KCNF1: variants seen among roughly 807,000 people sequenced by gnomAD.
KCNF1 encodes the protein voltage-gated potassium channel regulatory subunit KCNF1.
In KCNF1, 9 loss-of-function variants were observed where a neutral mutation model predicts 28.6. That is an observed-to-expected ratio of 0.31 (90% confidence interval 0.19 to 0.55). The LOEUF is 0.55. KCNF1 is among the 20% of genes least tolerant of loss of function. The probability of loss-of-function intolerance (pLI) is 0.93; values close to 1 mark genes in which losing one functional copy is unlikely to be tolerated. For missense variants in KCNF1, 461 were observed against 684.2 expected, an observed-to-expected ratio of 0.67 and a Z score of 3.64; for synonymous variants, 328 against 299.6, an observed-to-expected ratio of 1.09 and a Z score of -0.98.
In KCNF1 at chr2:10,913,614, C is replaced by T. The variant is rs3732105; in HGVS notation, c.1188C>T (p.Ile396=). ...NAAISFLCGV[I]AIALPIHPII... ...CCATCAGCTTCTTGTGTGGTGTCAT[C>T]GCCATCGCCCTGCCCATCCACCCCA... The change falls in exon 1 of 1, where the codon ATC becomes ATT. Residue 396 remains isoleucine (I), a synonymous_variant. Transcript: ENST00000295082. The surrounding 1 kb of genome is among the most constrained non-coding windows in gnomAD (Gnocchi z 5.5). 998,505 of 1,612,932 alleles carry T rather than the reference C, an allele frequency of 0.62. 314,460 individuals carry two copies. Among genetic ancestry groups the T allele is most frequent in the Non-Finnish European group, 0.65 (772,439 of 1,179,888 alleles).
rs1572750960 is a variant in KCNF1, at chr2:10,912,072, G to C, written c.-355G>C. On this transcript the variant is annotated 5_prime_UTR_variant, in exon 1 of 1. Coordinates refer to ENST00000295082, the MANE Select transcript of KCNF1 (RefSeq NM_002236.5). This position sits in a 1 kb window ranked among gnomAD's most constrained non-coding sequence, Gnocchi z 7.9. ...TGCGCGCCCCGGGGCGGAGGACGGT[G>C]CCAGCCGCCCACGAGGAGACCCCGC... 1 of 151,910 alleles carries C rather than the reference G, an allele frequency of 6.6e-6. No homozygotes were observed. Among genetic ancestry groups the C allele is most frequent in the East Asian group, 1.9e-4 (1 of 5,134 alleles). 9.4% of individuals were successfully genotyped at this position (151,910 alleles called of 1,614,324 possible). A position where few individuals can be genotyped will look rare whatever the true frequency, so the allele number is the denominator to read the frequency against.
Position 10,912,242 on chromosome 2 carries a change from T to G in KCNF1, c.-185T>G. ...GCCCCGAGCCCCGCCGCCGGGTGCA[T>G]GCCTCCCCCGCGGCGCGCCCCCGCA... On this transcript the variant is annotated 5_prime_UTR_variant, in exon 1 of 1. It removes an upstream start codon present in the reference 5' UTR. Coordinates refer to ENST00000295082, the MANE Select transcript of KCNF1 (RefSeq NM_002236.5). The surrounding 1 kb of genome is among the most constrained non-coding windows in gnomAD (Gnocchi z 7.9). 4.5e-6 allele frequency: 1 copy of G among 220,160 alleles called. No homozygotes were observed. The highest frequency in any genetic ancestry group is 7.9e-6 in the Non-Finnish European group (1 of 126,398). The allele number at this position is 220,160 out of a possible 1,614,324, so 13.6% of individuals were successfully genotyped here.
In KCNF1 at chr2:10,912,987, C is replaced by G. The variant is rs141118481; in HGVS notation, c.561C>G (p.Leu187=). 6.5e-3 allele frequency: 10,369 copies of G among 1,602,858 alleles called. 47 individuals are homozygous for G. The highest frequency in any genetic ancestry group is 7.8e-3 in the Non-Finnish European group (9,200 of 1,179,836). The change falls in exon 1 of 1, where the codon CTC becomes CTG. Residue 187 remains leucine (L), a synonymous_variant. Transcript: ENST00000295082. The surrounding 1 kb of genome is among the most constrained non-coding windows in gnomAD (Gnocchi z 7.9). ...GCCCGGCGCGGGTGGTGGCCGTGCTCTCCTTCCTGCTCATCCTCGTCTCGT... is the reference window on the plus strand; with the variant it reads ...GCCCGGCGCGGGTGGTGGCCGTGCTGTCCTTCCTGCTCATCCTCGTCTCGT... ...SSCPARVVAV[L]SFLLILVSSV... is the part of the protein sequence containing the mutation.
In KCNF1 at chr2:10,913,746, C is replaced by A; in HGVS notation, c.1320C>A (p.Gly440=). The A allele has an allele frequency of 6.2e-7, 1 of 1,612,906 alleles. No homozygotes were observed. The highest frequency in any genetic ancestry group is 8.5e-7 in the Non-Finnish European group (1 of 1,179,572). Reference sequence around the variant, plus strand: ...TCAACTCCAGCAGCGGGGGCGAGGGCAAGACCGGGGGCTCCCGCAGTGACC... The same window carrying A: ...TCAACTCCAGCAGCGGGGGCGAGGGAAAGACCGGGGGCTCCCGCAGTGACC... ...MELNSSSGGE[G]KTGGSRSDLD... is the part of the protein sequence containing the mutation. Residue 440 remains glycine, a synonymous_variant, in exon 1 of 1, where the codon GGC becomes GGA. Coordinates refer to ENST00000295082, the MANE Select transcript of KCNF1 (RefSeq NM_002236.5). The surrounding 1 kb of genome is among the most constrained non-coding windows in gnomAD (Gnocchi z 5.5).
At position 10,913,086 on chromosome 2, in the gene KCNF1, G is replaced by A. The variant is rs1204493071; in HGVS notation, c.660G>A (p.Pro220=). The change falls in exon 1 of 1, where the codon CCG becomes CCA. Residue 220 remains proline (P), a synonymous_variant. Transcript: ENST00000295082. This position sits in a 1 kb window ranked among gnomAD's most constrained non-coding sequence, Gnocchi z 5.5. ...CCGAGGGCAACCGCGTGGAGCACCC[G>A]ACGCTGGAGAACGTGGAGACGGCGT... ...LDAEGNRVEH[P]TLENVETACI... 6.2e-7 allele frequency: 1 copy of A among 1,608,444 alleles called. No homozygotes were observed. Among genetic ancestry groups the A allele is most frequent in the African/African-American group, 1.3e-5 (1 of 75,080 alleles).
At position 10,912,822 on chromosome 2, in the gene KCNF1, C is replaced by A. The variant is rs1295186764; in HGVS notation, c.396C>A (p.Ser132Arg). Residue 132 changes from serine to arginine, a missense_variant, in exon 1 of 1, where the codon AGC becomes AGA. By Grantham distance (110) the Ser-to-Arg change is moderately radical. Around this residue, in one of 4 missense-constraint regions of KCNF1, gnomAD observed 193 missense variants for 280.6 expected, o/e 0.69. Coordinates refer to ENST00000295082, the MANE Select transcript of KCNF1 (RefSeq NM_002236.5). This position sits in a 1 kb window ranked among gnomAD's most constrained non-coding sequence, Gnocchi z 7.9. ...FLDDCCKSHL[S>R]EKREELEEIA... ...ACGACTGTTGCAAGAGCCACCTGAG[C>A]GAGAAGCGCGAGGAGCTGGAGGAGA... 1 of 1,613,910 alleles carries A rather than the reference C, an allele frequency of 6.2e-7. No homozygotes were observed. Among genetic ancestry groups the A allele is most frequent in the South Asian group, 1.1e-5 (1 of 91,088 alleles).
In KCNF1 at chr2:10,912,009, G is replaced by C. The variant is rs1426232669; in HGVS notation, c.-418G>C. The C allele has an allele frequency of 6.6e-6, 1 of 152,146 alleles. No individual in the cohort carries two copies. The highest frequency in any genetic ancestry group is 6.5e-5 in the Admixed American group (1 of 15,286). The allele number at this position is 152,146 out of a possible 1,614,324, so 9.4% of individuals were successfully genotyped here. ...GCACACCTCGAGCACCTCGCGGACG[G>C]CGTGGGTCCGCCAGCTCCGGGACCT... On this transcript the variant is annotated 5_prime_UTR_variant, in exon 1 of 1. Transcript: ENST00000295082. This position sits in a 1 kb window ranked among gnomAD's most constrained non-coding sequence, Gnocchi z 7.9.
chr2:10,912,732 G>T lies in KCNF1; in HGVS notation c.306G>T (p.Lys102Asn). Residue 102 changes from lysine (K) to asparagine (N), a missense_variant, in exon 1 of 1, where the codon AAG becomes AAT. This residue lies in a region of KCNF1 where 193 missense variants were observed against 280.6 expected (regional missense o/e 0.69). Transcript: ENST00000295082. The surrounding 1 kb of genome is among the most constrained non-coding windows in gnomAD (Gnocchi z 7.9). ...ATTTCGGGGAGGTCCACATGAAGAA[G>T]GGCATCTGCCCCATCTGCTTCAAGA... is the stretch of plus-strand genomic sequence containing the variant. ...VYYFGEVHMKKGICPICFKNE... is the reference protein window; with the variant it reads ...VYYFGEVHMKNGICPICFKNE... 6.2e-7 allele frequency: 1 copy of T among 1,614,166 alleles called. No individual in the cohort carries two copies. Among genetic ancestry groups the T allele is most frequent in the Non-Finnish European group, 8.5e-7 (1 of 1,180,048 alleles).
In KCNF1 at chr2:10,912,307, C is replaced by A. The variant is rs1241062427; in HGVS notation, c.-120C>A. 6 of 774,240 alleles carry A rather than the reference C, an allele frequency of 7.7e-6. No individual in the cohort carries two copies. The Admixed American group carries it at 1.5e-4, about 19-fold the overall frequency. The allele number at this position is 774,240 out of a possible 1,614,324, so 48.0% of individuals were successfully genotyped here. On this transcript the variant is annotated 5_prime_UTR_variant, in exon 1 of 1. Coordinates refer to ENST00000295082, the MANE Select transcript of KCNF1 (RefSeq NM_002236.5). The surrounding 1 kb of genome is among the most constrained non-coding windows in gnomAD (Gnocchi z 7.9). ...GTGACCGCCCTTCCCCGCAGGCGGG[C>A]GCCGGCCAGGCTCTCCCCGAGATCA...
Position 10,912,261 on chromosome 2 carries a change from C to A in KCNF1, c.-166C>A, listed in dbSNP as rs1324107424. 11 of 324,262 alleles carry A rather than the reference C, an allele frequency of 3.4e-5. No homozygotes were observed. The East Asian group carries it at 1.2e-3, about 35-fold the overall frequency. The allele number at this position is 324,262 out of a possible 1,614,324, so 20.1% of individuals were successfully genotyped here. A position where few individuals can be genotyped will look rare whatever the true frequency, so the allele number is the denominator to read the frequency against. On this transcript the variant is annotated 5_prime_UTR_variant, in exon 1 of 1. Transcript: ENST00000295082. This position sits in a 1 kb window ranked among gnomAD's most constrained non-coding sequence, Gnocchi z 7.9. ...GGTGCATGCCTCCCCCGCGGCGCGC[C>A]CCCGCAGGCTGCTGCCCGCTGTGAC...
chr2:10,913,844 G>A lies in KCNF1; in HGVS notation c.1418G>A (p.Ser473Asn). 3 of 1,548,126 alleles carry A rather than the reference G, an allele frequency of 1.9e-6. No individual in the cohort carries two copies. Among genetic ancestry groups the A allele is most frequent in the Non-Finnish European group, 2.6e-6 (3 of 1,148,032 alleles). Reference sequence around the variant, plus strand: ...AGCAGCCGGCTGAAGCTCTCCCACAGCGACACCTTCATCCCCCTCCTGACC... The same window carrying A: ...AGCAGCCGGCTGAAGCTCTCCCACAACGACACCTTCATCCCCCTCCTGACC... ...SCSSRLKLSH[S>N]DTFIPLLTEE... The change falls in exon 1 of 1, where the codon AGC (serine) becomes AAC (asparagine). Residue 473 changes from serine to asparagine, a missense_variant. By Grantham distance (46) the Ser-to-Asn change is conservative. This residue lies in a region of KCNF1 where 101 missense variants were observed against 102.2 expected (regional missense o/e 0.99). Coordinates refer to ENST00000295082, the MANE Select transcript of KCNF1 (RefSeq NM_002236.5). This position sits in a 1 kb window ranked among gnomAD's most constrained non-coding sequence, Gnocchi z 5.5.
rs1351628361 is a variant in KCNF1 at position 10,914,044 on chromosome 2, C to T, written c.*133C>T. Reference sequence around the variant, plus strand: ...CCCCTGGACAGACTCTGAAGGCCCTCCCGGCACCTCTGCCAAGGCTGGGTA... The same window carrying T: ...CCCCTGGACAGACTCTGAAGGCCCTTCCGGCACCTCTGCCAAGGCTGGGTA... On this transcript the variant is annotated 3_prime_UTR_variant, in exon 1 of 1. Coordinates refer to ENST00000295082, the MANE Select transcript of KCNF1 (RefSeq NM_002236.5). 2 of 1,036,672 alleles carry T rather than the reference C, an allele frequency of 1.9e-6. No homozygotes were observed. The highest frequency in any genetic ancestry group is 2.8e-5 in the East Asian group (1 of 35,784). The allele number at this position is 1,036,672 out of a possible 1,614,324, so 64.2% of individuals were successfully genotyped here.
In KCNF1 at chr2:10,912,521, T is replaced by C; in HGVS notation, c.95T>C (p.Val32Ala). The change falls in exon 1 of 1, where the codon GTG (valine) becomes GCG (alanine). Residue 32 changes from valine (V) to alanine (A), a missense_variant. Val to Ala is a moderately conservative substitution (Grantham distance 64, BLOSUM62 0). Transcript: ENST00000295082. This position sits in a 1 kb window ranked among gnomAD's most constrained non-coding sequence, Gnocchi z 7.9. ...GAGATAGTCGTCAACGTGGGGGGCG[T>C]GCGGCAGGTGCTGTACGGGGACCTC... ...DIEIVVNVGG[V>A]RQVLYGDLLS... is the part of the protein sequence containing the mutation. The C allele has an allele frequency of 6.2e-7, 1 of 1,603,360 alleles. No homozygotes were observed.
At position 10,914,135 on chromosome 2, in the gene KCNF1, C is replaced by G. The variant is rs529696125; in HGVS notation, c.*224C>G. 4.1e-6 allele frequency: 2 copies of G among 482,440 alleles called. No individual in the cohort carries two copies. Among genetic ancestry groups the G allele is most frequent in the Non-Finnish European group, 7.3e-6 (2 of 274,604 alleles). 29.9% of individuals were successfully genotyped at this position (482,440 alleles called of 1,614,324 possible). On this transcript the variant is annotated 3_prime_UTR_variant, in exon 1 of 1. Coordinates refer to ENST00000295082, the MANE Select transcript of KCNF1 (RefSeq NM_002236.5). ...GAGGGGTGTGCAGGAGCCGCAGGGC[C>G]GTGTGGGACGAGTGGAGGCCGCGGC...
In KCNF1 at chr2:10,912,599, G is replaced by A. The variant is rs1661556143; in HGVS notation, c.173G>A (p.Gly58Glu). Reference protein sequence around the residue: ...RLAELINCLAGGYDTIFSLCD... With the variant: ...RLAELINCLAEGYDTIFSLCD... ...GCGGAGCTCATCAACTGCTTGGCTGGGGGCTACGACACCATCTTCTCCCTG... is the reference window on the plus strand; with the variant it reads ...GCGGAGCTCATCAACTGCTTGGCTGAGGGCTACGACACCATCTTCTCCCTG... Residue 58 changes from glycine to glutamate, a missense_variant, in exon 1 of 1, where the codon GGG becomes GAG. Transcript: ENST00000295082. The surrounding 1 kb of genome is among the most constrained non-coding windows in gnomAD (Gnocchi z 7.9). The A allele has an allele frequency of 4.3e-6, 7 of 1,612,798 alleles. No homozygotes were observed. Among genetic ancestry groups the A allele is most frequent in the Non-Finnish European group, 4.2e-6 (5 of 1,179,502 alleles).
In KCNF1 at chr2:10,912,762, G is replaced by A; in HGVS notation, c.336G>A (p.Glu112=). The change falls in exon 1 of 1, where the codon GAG becomes GAA. Residue 112 remains glutamate, a synonymous_variant. Transcript: ENST00000295082. This position sits in a 1 kb window ranked among gnomAD's most constrained non-coding sequence, Gnocchi z 7.9. ...KGICPICFKN[E]MDFWKVDLKF... ...TCTGCCCCATCTGCTTCAAGAACGAGATGGACTTCTGGAAGGTGGACCTCA... is the reference window on the plus strand; with the variant it reads ...TCTGCCCCATCTGCTTCAAGAACGAAATGGACTTCTGGAAGGTGGACCTCA... The A allele has an allele frequency of 1.2e-6, 2 of 1,614,172 alleles. No individual in the cohort carries two copies. The highest frequency in any genetic ancestry group is 1.7e-6 in the Non-Finnish European group (2 of 1,180,046).
Position 10,913,348 on chromosome 2 carries a change from T to G in KCNF1, c.922T>G (p.Ser308Ala). ...ARIFKLARHS[S>A]GLQTLTYALK... is the part of the protein sequence containing the mutation. ...CATCTTCAAGCTGGCCCGCCACTCCTCGGGCCTGCAGACCCTCACCTATGC... is the reference window on the plus strand; with the variant it reads ...CATCTTCAAGCTGGCCCGCCACTCCGCGGGCCTGCAGACCCTCACCTATGC... The change falls in exon 1 of 1, where the codon TCG (serine) becomes GCG (alanine). Residue 308 changes from serine (S) to alanine (A), a missense_variant. Ser to Ala is a moderately conservative substitution (Grantham distance 99). Around this residue, in one of 4 missense-constraint regions of KCNF1, gnomAD observed 115 missense variants for 261.6 expected, o/e 0.44. Coordinates refer to ENST00000295082, the MANE Select transcript of KCNF1 (RefSeq NM_002236.5). The surrounding 1 kb of genome is among the most constrained non-coding windows in gnomAD (Gnocchi z 5.5). 6.2e-7 allele frequency: 1 copy of G among 1,613,826 alleles called. No individual in the cohort carries two copies. The highest frequency in any genetic ancestry group is 8.5e-7 in the Non-Finnish European group (1 of 1,179,960).
rs1413622718 is a variant in KCNF1, at chr2:10,912,014, G to A, written c.-413G>A. On this transcript the variant is annotated 5_prime_UTR_variant, in exon 1 of 1. Coordinates refer to ENST00000295082, the MANE Select transcript of KCNF1 (RefSeq NM_002236.5). This position sits in a 1 kb window ranked among gnomAD's most constrained non-coding sequence, Gnocchi z 7.9. ...CCTCGAGCACCTCGCGGACGGCGTG[G>A]GTCCGCCAGCTCCGGGACCTGCCGC... is the stretch of plus-strand genomic sequence containing the variant. 1 of 152,118 alleles carries A rather than the reference G, an allele frequency of 6.6e-6. No individual in the cohort carries two copies. The allele number at this position is 152,118 out of a possible 1,614,324, so 9.4% of individuals were successfully genotyped here.
rs760300320 is a variant in KCNF1 at position 10,913,381 on chromosome 2, C to A, written c.955C>A (p.Arg319Ser). Residue 319 changes from arginine (R) to serine (S), a missense_variant, in exon 1 of 1, where the codon CGC becomes AGC. This residue lies in a region of KCNF1 where 115 missense variants were observed against 261.6 expected (regional missense o/e 0.44). Transcript: ENST00000295082. This position sits in a 1 kb window ranked among gnomAD's most constrained non-coding sequence, Gnocchi z 5.5. Reference protein sequence around the residue: ...GLQTLTYALKRSFKELGLLLM... With the variant: ...GLQTLTYALKSSFKELGLLLM... The stretch of plus-strand genomic sequence containing the variant: ...GCAGACCCTCACCTATGCCCTCAAG[C>A]GCAGCTTCAAGGAACTGGGGCTGCT... The A allele has an allele frequency of 6.2e-7, 1 of 1,613,934 alleles. No individual in the cohort carries two copies. Among genetic ancestry groups the A allele is most frequent in the Admixed American group, 1.7e-5 (1 of 60,010 alleles).
Sources: gnomAD v4.1 joint callset for allele counts on GRCh38, gnomAD v4.1.1 for gene constraint, gnomAD v4.1.1 regional missense constraint, Gnocchi (gnomAD v3.1) non-coding constraint, MANE v1.5 for transcripts, NCBI Gene and HGNC (gene_info 2026-07-23, HGNC 2026-07-21) for gene names.